The following TBC1D4 variants were observed in gnomAD, a reference collection of about 807,000 sequenced individuals.
TBC1D4 encodes TBC (Tre-2, BUB2, CDC16) domain-containing protein.
A neutral mutation model predicts 142.5 loss-of-function variants in TBC1D4; 121 were observed. The ratio of observed to expected loss-of-function variants is 0.85; its 90% CI spans 0.73 to 0.99. The LOEUF (loss-of-function observed/expected upper bound fraction) is 0.99, where lower values mean the gene tolerates loss of function less well. TBC1D4 is among the 50% of genes least tolerant of loss of function. The pLI is 0.00. For synonymous variants in TBC1D4, 630 were observed against 628.2 expected (o/e 1.00, Z -0.04); for missense variants, 1,475 against 1,606.6 (o/e 0.92, Z 1.40).
At chr13:75,288,820 G>T in intron 20 of TBC1D4, 114 bp downstream of exon 20, 1 of 1,113,732 alleles carries the variant, frequency 9.0e-7, no homozygotes, top group Non-Finnish European at 1.4e-6. Flanking sequence ...CTGATACATG[G>T]GCTCTTGGTT....
At chr13:75,480,551 TG>T (rs1888796259) in intron 1 of TBC1D4, among the ~76,000 whole-genome samples, 1 of 152,096 alleles carries the variant, frequency 6.6e-6, no homozygotes, top group Non-Finnish European at 1.5e-5. Context: ...AAAACAAAAG[TG>T]AAAAAAACAT....
At chr13:75,369,721 C>A (rs184721609) in intron 1 of TBC1D4, among the ~76,000 whole-genome samples, 1 of 152,144 alleles carries the variant, frequency 6.6e-6, no homozygotes, top group East Asian at 1.9e-4. Flanking sequence ...TGAAAGGCAA[C>A]CTAAGAAAAA....
intron 1 of TBC1D4, among the ~76,000 whole-genome samples, chr13:75,432,104 G>A (rs1412299982): frequency 6.6e-6 from 1 of 152,106 alleles, no homozygotes; most frequent in African/African-American, 2.4e-5. Flanking sequence ...CAAATAAAGA[G>A]CACTCATTTT....
chr13:75,337,048 A>C lies in TBC1D4; in HGVS notation c.1612-8T>G. 1 of 1,611,462 alleles carries C rather than the reference A, an allele frequency of 6.2e-7. No individual in the cohort carries two copies. The highest frequency in any genetic ancestry group is 8.5e-7 in the Non-Finnish European group (1 of 1,178,072). On this transcript the variant is annotated splice_polypyrimidine_tract_variant and splice_region_variant and intron_variant, in intron 7 of 20. Transcript: ENST00000377636. ...TGTACTATTTGAAATAGTCTAAAAA[A>C]AGAAAAACAGATACATTTTAGTTTG...
At chr13:75,323,403 A>G (rs1878948756) in intron 11 of TBC1D4, among the ~76,000 whole-genome samples, 1 of 152,162 alleles carries the variant, frequency 6.6e-6, no homozygotes. Flanking sequence ...AAATTTAGAA[A>G]GGTTCCCAAG....
Position 75,402,625 on chromosome 13 carries a change from A to G in TBC1D4, c.499-40018T>C, listed in dbSNP as rs1252708330. Among the ~76,000 whole-genome samples, 4 of 146,552 alleles carry G rather than the reference A, an allele frequency of 2.7e-5. No individual in the cohort carries two copies. In the East Asian group the frequency reaches 8.2e-4, roughly 30 times the overall value. The stretch of plus-strand genomic sequence containing the variant: ...ACACTTTTACTTTAAAAACAATTTC[A>G]TTTTCCATGTGGTCTTCCATCCCTA... On this transcript the variant is annotated intron_variant, in intron 1 of 20. Transcript: ENST00000377636.
intron 8 of TBC1D4, among the ~76,000 whole-genome samples, chr13:75,330,155 T>C (rs1879632578): frequency 6.6e-6 from 1 of 152,230 alleles, no homozygotes; most frequent in Admixed American, 6.5e-5. Flanking sequence ...TGTTCTCCTA[T>C]TTTCCATTTC....
chr13:75,431,466 C>A (rs1371882027), intron 1 of TBC1D4, among the ~76,000 whole-genome samples: 1 of 152,148 alleles, frequency 6.6e-6, no homozygotes, highest in African/African-American at 2.4e-5. Flanking sequence ...ATTTTCACAT[C>A]TATAAAATTC....
chr13:75,464,478 T>A (rs1369236393), intron 1 of TBC1D4, among the ~76,000 whole-genome samples: 1 of 152,240 alleles, frequency 6.6e-6, no homozygotes, highest in Non-Finnish European at 1.5e-5. Flanking sequence ...CTGTTTTAGT[T>A]AATCTGTGAT....
chr13:75,347,827 T>A (rs892887194), intron 5 of TBC1D4, among the ~76,000 whole-genome samples: 9 of 152,230 alleles, frequency 5.9e-5, no homozygotes, highest in African/African-American at 2.2e-4. Flanking sequence ...TATAATTGTT[T>A]AAGCCTATTA....
chr13:75,426,784 G>A (rs914840295), intron 1 of TBC1D4, among the ~76,000 whole-genome samples: 11 of 151,944 alleles, frequency 7.2e-5, no homozygotes, highest in African/African-American at 2.4e-4. Flanking sequence ...GCTCACACCT[G>A]TAATCCCAGA....
rs554272540 is a variant in TBC1D4 at position 75,344,280 on chromosome 13, A to G, written c.1409-2693T>C. Among the ~76,000 whole-genome samples, 3 of 152,362 alleles carry G rather than the reference A, an allele frequency of 2.0e-5. No individual in the cohort carries two copies. The East Asian group carries it at 5.8e-4, about 29-fold the overall frequency. On this transcript the variant is annotated intron_variant, in intron 5 of 20. Transcript: ENST00000377636. Reference sequence around the variant, plus strand: ...TACTCAAGTGACTAACATGGAAGATAAAAGATTGAAAAGAGGAAAAGAAAA... The same window carrying G: ...TACTCAAGTGACTAACATGGAAGATGAAAGATTGAAAAGAGGAAAAGAAAA...
intron 1 of TBC1D4, among the ~76,000 whole-genome samples, chr13:75,463,852 TC>T (rs1038977204): frequency 6.6e-6 from 1 of 152,124 alleles, no homozygotes; most frequent in African/African-American, 2.4e-5. Context: ...TGGTCCCAAA[TC>T]TACCCATTAG....
chr13:75,391,482 C>T (rs1884486980), intron 1 of TBC1D4, among the ~76,000 whole-genome samples: 1 of 152,142 alleles, frequency 6.6e-6, no homozygotes, highest in Non-Finnish European at 1.5e-5. Flanking sequence ...CATATTAGAC[C>T]CATGGAGTAC....
intron 1 of TBC1D4, among the ~76,000 whole-genome samples, chr13:75,451,253 G>A (rs1346566383): frequency 2.6e-5 from 4 of 152,044 alleles, no homozygotes; most frequent in Non-Finnish European, 2.9e-5. Flanking sequence ...GCGAAAAAAA[G>A]TGCCTCGCAG....
intron 17 of TBC1D4, 108 bp from the exon 18 acceptor site, chr13:75,295,121 TAAG>T (rs1189406919): frequency 1.0e-6 from 1 of 1,003,054 alleles, no homozygotes; most frequent in Non-Finnish European, 1.5e-6. Context: ...TTCACATATA[TAAG>T]TAGTATTACT....
chr13:75,387,738 A>T (rs1884257681), intron 1 of TBC1D4, among the ~76,000 whole-genome samples: 1 of 152,188 alleles, frequency 6.6e-6, no homozygotes, highest in Admixed American at 6.5e-5. Flanking sequence ...TGTCTGCCTA[A>T]CACCCAAGAC....
intron 1 of TBC1D4, among the ~76,000 whole-genome samples, chr13:75,397,512 T>C (rs1884856727): frequency 6.6e-6 from 1 of 152,194 alleles, no homozygotes; most frequent in African/African-American, 2.4e-5. Context: ...AAAACAGTAA[T>C]ATAATTATAT....
At chr13:75,364,759 A>C (rs1209337899) in intron 1 of TBC1D4, among the ~76,000 whole-genome samples, 1 of 152,242 alleles carries the variant, frequency 6.6e-6, no homozygotes, top group Admixed American at 6.5e-5. Context: ...TCTGATTTTT[A>C]ACCCAAAATC....
Sources: allele counts gnomAD v4.1 joint callset (sites outside exome capture counted in the v4.1 genomes callset), GRCh38; gene constraint gnomAD v4.1.1; transcripts MANE v1.5; gene names NCBI Gene and HGNC (gene_info 2026-07-23, HGNC 2026-07-21).